Variants in NAALADL2 observed in about 807,000 individuals in gnomAD.
The protein encoded by NAALADL2 is inactive N-acetylated-alpha-linked acidic dipeptidase-like protein 2.
NAALADL2 carries 76 observed loss-of-function variants against 87.2 expected under a neutral mutation model. The observed-to-expected ratio is 0.87, with a 90% CI of 0.72 to 1.05. The LOEUF (loss-of-function observed/expected upper bound fraction) is 1.05. NAALADL2 is among the 50% of genes least tolerant of loss of function. The pLI is 0.00. For synonymous variants in NAALADL2, 354 were observed against 331.0 expected, an observed-to-expected ratio of 1.07 and a Z score of -0.75; for missense variants, 1,089 against 945.8, an observed-to-expected ratio of 1.15 and a Z score of -1.99.
chr3:174,757,050 G>A (rs1382639588), intron 3 of NAALADL2, among the ~76,000 whole-genome samples: 2 of 152,176 alleles, frequency 1.3e-5, no homozygotes, highest in East Asian at 3.8e-4. Flanking sequence ...ATAATTGTCA[G>A]TATGCAGTAT....
rs766349561 is a variant in NAALADL2, at chr3:175,728,846, A to G, written c.1897-8460A>G. On this transcript the variant is annotated intron_variant, in intron 11 of 13. Coordinates refer to ENST00000454872, the MANE Select transcript of NAALADL2 (RefSeq NM_207015.3). ...ACCCTATGCCCCACACTCCACACAC[A>G]AGCTTACTTCCCAGTAACTGAGAAT... 6.2e-4 allele frequency among the ~76,000 whole-genome samples: 95 copies of G among 152,222 alleles called. 1 individual carries two copies. Among genetic ancestry groups the G allele is most frequent in the Admixed American group, 1.9e-3 (29 of 15,280 alleles).
At chr3:174,577,700 G>T (rs1424536093) in intron 2 of NAALADL2, among the ~76,000 whole-genome samples, 2 of 151,996 alleles carry the variant, frequency 1.3e-5, no homozygotes, top group Non-Finnish European at 1.5e-5. Flanking sequence ...CAGAGTTTTT[G>T]CCAGGTATCC....
intron 2 of NAALADL2, among the ~76,000 whole-genome samples, chr3:175,194,278 A>G (rs2109081044): frequency 6.6e-6 from 1 of 152,010 alleles, no homozygotes; most frequent in Admixed American, 6.5e-5. Context: ...CATTTTTAGT[A>G]GGTGATTAGT....
At chr3:174,931,104 A>T (rs1183598500) in intron 1 of NAALADL2, among the ~76,000 whole-genome samples, 1 of 152,144 alleles carries the variant, frequency 6.6e-6, no homozygotes, top group East Asian at 1.9e-4. Context: ...TCTACTAAAC[A>T]AGTATTTCGG....
At chr3:175,489,136 G>A (rs951208654) in intron 9 of NAALADL2, among the ~76,000 whole-genome samples, 2 of 152,036 alleles carry the variant, frequency 1.3e-5, no homozygotes, top group South Asian at 2.1e-4. Context: ...ATAAAACTAA[G>A]GGTAGCATAA....
chr3:174,640,546 AGCCTT>A (rs1723070846), intron 2 of NAALADL2, among the ~76,000 whole-genome samples: 1 of 152,162 alleles, frequency 6.6e-6, no homozygotes, highest in African/African-American at 2.4e-5. Context: ...CTCCTCTCTT[AGCCTT>A]GACAATGTGG....
chr3:174,480,601 A>G (rs967684984), intron 1 of NAALADL2, among the ~76,000 whole-genome samples: 1 of 152,068 alleles, frequency 6.6e-6, no homozygotes, highest in East Asian at 1.9e-4. Context: ...GGTTTCTCAC[A>G]TCTCTCTCCA....
intron 1 of NAALADL2, among the ~76,000 whole-genome samples, chr3:175,058,285 A>T (rs1435180637): frequency 1.3e-5 from 2 of 152,232 alleles, no homozygotes; most frequent in Non-Finnish European, 2.9e-5. Flanking sequence ...CAATTCTAGT[A>T]ACTTTTGGTT....
At chr3:175,580,385 C>A (rs1409359458) in intron 10 of NAALADL2, among the ~76,000 whole-genome samples, 1 of 152,034 alleles carries the variant, frequency 6.6e-6, no homozygotes, top group Non-Finnish European at 1.5e-5. Context: ...TCATAGTTTA[C>A]CTGCTGATTT....
intron 1 of NAALADL2, among the ~76,000 whole-genome samples, chr3:174,909,916 T>C (rs1379926237): frequency 1.3e-5 from 2 of 152,140 alleles, no homozygotes; most frequent in Non-Finnish European, 2.9e-5. Flanking sequence ...TATATTTAAC[T>C]ACACAAGTTA....
intron 5 of NAALADL2, among the ~76,000 whole-genome samples, chr3:175,328,458 C>A (rs1016857083): frequency 6.6e-6 from 1 of 150,716 alleles, no homozygotes; most frequent in East Asian, 1.9e-4. Context: ...TTGTAAATTG[C>A]GGGGGAGGCA....
intron 13 of NAALADL2, among the ~76,000 whole-genome samples, chr3:175,793,056 G>C (rs187271756): frequency 2.6e-5 from 4 of 152,128 alleles, no homozygotes; most frequent in African/African-American, 9.7e-5. Flanking sequence ...GAAATAATCT[G>C]GTGAAAGAAT....
intron 9 of NAALADL2, among the ~76,000 whole-genome samples, chr3:175,522,227 A>G (rs980483060): frequency 2.6e-5 from 4 of 152,154 alleles, no homozygotes; most frequent in African/African-American, 9.7e-5. Context: ...ATATATATTG[A>G]TTTACTATTC....
intron 1 of NAALADL2, among the ~76,000 whole-genome samples, chr3:174,977,420 C>T (rs1744508828): frequency 6.6e-6 from 1 of 152,160 alleles, no homozygotes; most frequent in Non-Finnish European, 1.5e-5. Context: ...CCACTGCGGC[C>T]GACCTAGATG....
At position 175,269,580 on chromosome 3, in the gene NAALADL2, C is replaced by T. The variant is rs1003879630; in HGVS notation, c.939+13050C>T. Among the ~76,000 whole-genome samples, 41 of 152,184 alleles carry T rather than the reference C, an allele frequency of 2.7e-4. 1 individual carries two copies. Among genetic ancestry groups the T allele is most frequent in the African/African-American group, 8.7e-4 (36 of 41,436 alleles). On this transcript the variant is annotated intron_variant, in intron 4 of 13. Coordinates refer to ENST00000454872, the MANE Select transcript of NAALADL2 (RefSeq NM_207015.3). ...CGGAGCCACGACTTTGTCTGTATGA[C>T]GCTAGTTTACTTTCAGATACACACT... is the stretch of plus-strand genomic sequence containing the variant.
At chr3:174,516,975 G>GT (rs1719973063) in intron 1 of NAALADL2, among the ~76,000 whole-genome samples, 1 of 151,636 alleles carries the variant, frequency 6.6e-6, no homozygotes, top group South Asian at 2.1e-4. Flanking sequence ...TATTCTTTAG[G>GT]TTTTAAAAAC....
chr3:174,552,328 A>G (rs1017851726), intron 2 of NAALADL2, among the ~76,000 whole-genome samples: 16 of 152,196 alleles, frequency 1.1e-4, no homozygotes, highest in African/African-American at 3.9e-4. Context: ...TAGAAATGTG[A>G]ACCTAATTGT....
intron 1 of NAALADL2, among the ~76,000 whole-genome samples, chr3:175,015,291 C>T (rs9868994): frequency 0.37 from 56,691 of 151,918 alleles, 15,996 homozygotes; most frequent in African/African-American, 0.79. Flanking sequence ...TTTCAATTAA[C>T]CTATGTATAT....
At chr3:175,291,312 C>T (rs6799925) in intron 4 of NAALADL2, among the ~76,000 whole-genome samples, 67,094 of 151,610 alleles carry the variant, frequency 0.44, 17,798 homozygotes, top group African/African-American at 0.75. Context: ...ACAGTTCTTT[C>T]GATCTAAATT....
Sources: allele counts gnomAD v4.1 joint callset (sites outside exome capture counted in the v4.1 genomes callset), GRCh38; gene constraint gnomAD v4.1.1; transcripts MANE v1.5; gene names NCBI Gene and HGNC (gene_info 2026-07-23, HGNC 2026-07-21).